HIGD1A: variants seen among roughly 807,000 people sequenced by gnomAD.
HIGD1A encodes HIG1 hypoxia inducible domain family member 1A, also known as HIG1 domain family member 1A, mitochondrial.
A neutral mutation model predicts 11.3 loss-of-function variants in HIGD1A; 8 were observed. The ratio of observed to expected loss-of-function variants is 0.71; its 90% CI spans 0.42 to 1.28. The LOEUF is 1.28. Ranked by LOEUF, HIGD1A falls within the 50% of genes most tolerant of loss-of-function variation. HIGD1A has a pLI of 0.01. For missense variants in HIGD1A, 107 were observed against 118.8 expected, an observed-to-expected ratio of 0.90 and a Z score of 0.46; for synonymous variants, 32 against 38.4, an observed-to-expected ratio of 0.83 and a Z score of 0.62.
intron 2 of HIGD1A, among the ~76,000 whole-genome samples, chr3:42,787,220 A>G (rs988044358): frequency 2.0e-5 from 3 of 152,124 alleles, no homozygotes; most frequent in African/African-American, 7.2e-5. Context: ...TGAAAAAAAC[A>G]CATCCTAGTT....
chr3:42,788,028 AC>A (rs920304942), intron 2 of HIGD1A, among the ~76,000 whole-genome samples: 5 of 9,588 alleles, frequency 5.2e-4, no homozygotes, highest in East Asian at 0.071. Context: ...ACATACCCCC[AC>A]CTCTAACCAC....
At chr3:42,787,451 G>T (rs1324649685) in intron 2 of HIGD1A, among the ~76,000 whole-genome samples, 1 of 151,670 alleles carries the variant, frequency 6.6e-6, no homozygotes. Flanking sequence ...AATTAGCCGG[G>T]CATGGTGGCA....
chr3:42,796,796 T>C (rs1337061243), intron 1 of HIGD1A, among the ~76,000 whole-genome samples: 1 of 151,614 alleles, frequency 6.6e-6, no homozygotes, highest in African/African-American at 2.4e-5. Flanking sequence ...GTGGTGCCAG[T>C]TGGTCTATCA....
At chr3:42,794,110 C>G in intron 2 of HIGD1A, 47 bp downstream of exon 2, 2 of 1,551,832 alleles carry the variant, frequency 1.3e-6, no homozygotes, top group Non-Finnish European at 1.7e-6. Flanking sequence ...AACAAATTAT[C>G]ACGGCTCTAC....
intron 1 of HIGD1A, 22 bp downstream of exon 1, chr3:42,804,414 T>TCC: frequency 2.0e-6 from 1 of 504,750 alleles, no homozygotes. Context: ...TGGCTCGCAG[T>TCC]CCCCCGGCTT....
At chr3:42,803,393 A>G (rs1700594258) in intron 1 of HIGD1A, among the ~76,000 whole-genome samples, 1 of 152,212 alleles carries the variant, frequency 6.6e-6, no homozygotes, top group South Asian at 2.1e-4. Context: ...GTCGCCCATC[A>G]GCTTGTTTAA....
At chr3:42,793,832 C>T (rs914090239) in intron 2 of HIGD1A, among the ~76,000 whole-genome samples, 4 of 152,138 alleles carry the variant, frequency 2.6e-5, no homozygotes, top group African/African-American at 4.8e-5. Context: ...ATTCGCTGGG[C>T]GTGGTGGTGC....
intron 2 of HIGD1A, among the ~76,000 whole-genome samples, chr3:42,792,415 T>G (rs1469818390): frequency 6.6e-6 from 1 of 152,226 alleles, no homozygotes; most frequent in Non-Finnish European, 1.5e-5. Context: ...GGCTCACGCC[T>G]ATAATTCCAG....
chr3:42,790,955 A>C (rs1261488759), intron 2 of HIGD1A, among the ~76,000 whole-genome samples: 3 of 152,172 alleles, frequency 2.0e-5, no homozygotes, highest in Non-Finnish European at 2.9e-5. Flanking sequence ...GCAATTAACA[A>C]GCTAATTTCA....
intron 1 of HIGD1A, among the ~76,000 whole-genome samples, chr3:42,801,105 A>C (rs923049157): frequency 7.2e-5 from 11 of 152,324 alleles, no homozygotes; most frequent in Non-Finnish European, 1.2e-4. Context: ...TCAAAGACTC[A>C]AAGTTGTTTA....
At chr3:42,786,669 C>T (rs1700355530) in intron 2 of HIGD1A, among the ~76,000 whole-genome samples, 1 of 152,166 alleles carries the variant, frequency 6.6e-6, no homozygotes, top group Non-Finnish European at 1.5e-5. Flanking sequence ...ATATTAGTTT[C>T]AGTTAAAAGG....
At position 42,784,037 on chromosome 3, in the gene HIGD1A, C is replaced by T. The variant is rs544851746; in HGVS notation, c.*1234G>A. ...GTTGCAGTGAGCCAAGATCGTGCCA[C>T]TGCACGCCAGCCAAGATGACAGAGA... is the stretch of plus-strand genomic sequence containing the variant. On this transcript the variant is annotated 3_prime_UTR_variant, in exon 4 of 4. Transcript: ENST00000321331. 4.9e-5 allele frequency among the ~76,000 whole-genome samples: 7 copies of T among 141,452 alleles called. No individual in the cohort carries two copies. Among genetic ancestry groups the T allele is most frequent in the Admixed American group, 2.3e-4 (3 of 13,264 alleles). 92.8% of individuals were successfully genotyped at this position (141,452 alleles called of 152,430 possible). A position where few individuals can be genotyped will look rare whatever the true frequency, so the allele number is the denominator to read the frequency against.
intron 2 of HIGD1A, 32 bp from the exon 3 acceptor site, chr3:42,786,194 C>T (rs777792384): frequency 1.2e-6 from 2 of 1,612,064 alleles, no homozygotes; most frequent in Admixed American, 3.3e-5. Context: ...ATGTCAGATG[C>T]ATGAGAAGGG....
chr3:42,794,882 T>G (rs1354686266), intron 1 of HIGD1A, among the ~76,000 whole-genome samples: 1 of 152,236 alleles, frequency 6.6e-6, no homozygotes, highest in Non-Finnish European at 1.5e-5. Context: ...TAGCCAAAGT[T>G]TCTACCTAGC....
intron 1 of HIGD1A, among the ~76,000 whole-genome samples, chr3:42,800,373 A>C (rs918928312): frequency 4.6e-5 from 7 of 151,860 alleles, no homozygotes; most frequent in Non-Finnish European, 1.0e-4. Flanking sequence ...GAAAAAAAAA[A>C]CATGACCTTC....
chr3:42,800,193 G>C (rs1409338669), intron 1 of HIGD1A, among the ~76,000 whole-genome samples: 1 of 151,996 alleles, frequency 6.6e-6, no homozygotes, highest in Non-Finnish European at 1.5e-5. Flanking sequence ...TGGGCATAGT[G>C]GTGTGCATGC....
Position 42,784,195 on chromosome 3 carries a change from G to A in HIGD1A, c.*1076C>T, listed in dbSNP as rs1002682347. 1 of 151,664 alleles carries A rather than the reference G, an allele frequency of 6.6e-6. No homozygotes were observed. Among genetic ancestry groups the A allele is most frequent in the Non-Finnish European group, 1.5e-5 (1 of 67,938 alleles). 9.4% of individuals were successfully genotyped at this position (151,664 alleles called of 1,614,324 possible). A position where few individuals can be genotyped will look rare whatever the true frequency, so the allele number is the denominator to read the frequency against. On this transcript the variant is annotated 3_prime_UTR_variant, in exon 4 of 4. Transcript: ENST00000321331. ...TTTAAAATCGTTGAAACAGAAAGGA[G>A]AACATGATTAGAGAACAACAACAAA...
At chr3:42,804,151 C>T (rs376038568) in intron 1 of HIGD1A, 4 of 1,609,000 alleles carry the variant, frequency 2.5e-6, no homozygotes, top group Non-Finnish European at 3.4e-6. Flanking sequence ...ATCAGCGAGT[C>T]TTCCCCGCTC....
intron 2 of HIGD1A, among the ~76,000 whole-genome samples, chr3:42,792,524 A>G (rs1700434557): frequency 6.6e-6 from 1 of 151,540 alleles, no homozygotes. Flanking sequence ...GATAGAAAAA[A>G]TTAGCCAGGC....
Sources: allele counts gnomAD v4.1 joint callset (sites outside exome capture counted in the v4.1 genomes callset), GRCh38; gene constraint gnomAD v4.1.1; transcripts MANE v1.5; gene names NCBI Gene and HGNC (gene_info 2026-07-23, HGNC 2026-07-21).